The following FARP1 variants were observed in gnomAD, a reference collection of about 807,000 sequenced individuals.
FARP1 encodes the protein FERM, ARHGEF and pleckstrin domain-containing protein 1.
A neutral mutation model predicts 128.8 loss-of-function variants in FARP1; 52 were observed. The ratio of observed to expected loss-of-function variants is 0.40; its 90% CI spans 0.32 to 0.51. The LOEUF (loss-of-function observed/expected upper bound fraction) is 0.51. Ranked by LOEUF, FARP1 falls within the 20% of genes least tolerant of loss-of-function variation. FARP1 has a pLI of 0.45. For missense variants in FARP1, 1,333 were observed against 1,367.9 expected (o/e 0.97, Z 0.40); for synonymous variants, 580 against 551.8 (o/e 1.05, Z -0.72).
chr13:98,194,944 A>C (rs10454523), intron 1 of FARP1, among the ~76,000 whole-genome samples: 96,755 of 152,130 alleles, frequency 0.64, 32,967 homozygotes, highest in Non-Finnish European at 0.76. Flanking sequence ...ATGTGCTTGG[A>C]CTTCCCAGCC....
chr13:98,314,906 G>C (rs1165478687), intron 2 of FARP1, among the ~76,000 whole-genome samples: 8 of 152,160 alleles, frequency 5.3e-5, no homozygotes, highest in Non-Finnish European at 1.2e-4. Context: ...GTTTGCTTGG[G>C]ACTCGGATTG....
At position 98,158,356 on chromosome 13, in the gene FARP1, C is replaced by T. The variant is rs1451036950; in HGVS notation, c.-24+14864C>T. ...TACAGAACATGCATTGCAAATCTGT[C>T]CCTACTCTACTATTGAAACCACCTA... On this transcript the variant is annotated intron_variant, in intron 1 of 26. Coordinates refer to ENST00000319562, the MANE Select transcript of FARP1 (RefSeq NM_005766.4). Among the ~76,000 whole-genome samples the T allele has an allele frequency of 2.0e-5, 3 of 152,188 alleles. 1 individual carries two copies. The East Asian group carries it at 5.8e-4, about 29-fold the overall frequency.
intron 1 of FARP1, among the ~76,000 whole-genome samples, chr13:98,166,311 A>G (rs1177876509): frequency 1.3e-5 from 2 of 152,200 alleles, no homozygotes; most frequent in Non-Finnish European, 2.9e-5. Flanking sequence ...TCAGTGGTCA[A>G]AGGCTGTATT....
chr13:98,259,875 C>A (rs1200369083), intron 2 of FARP1, among the ~76,000 whole-genome samples: 2 of 40,818 alleles, frequency 4.9e-5, no homozygotes, highest in Admixed American at 3.0e-4. Context: ...TTTAAAGATA[C>A]CTGAAAAGTG....
intron 2 of FARP1, among the ~76,000 whole-genome samples, chr13:98,281,001 G>A (rs1175049062): frequency 2.0e-5 from 3 of 152,174 alleles, no homozygotes; most frequent in South Asian, 4.2e-4. Flanking sequence ...AACTTTTTTG[G>A]ACAATTATGT....
chr13:98,393,590 A>G, intron 11 of FARP1, 53 bp from the exon 12 acceptor site: 1 of 1,453,708 alleles, frequency 6.9e-7, no homozygotes, highest in Non-Finnish European at 9.6e-7. Flanking sequence ...AAACCAAGGA[A>G]AAAGAAACAA....
At chr13:98,146,115 A>T (rs1308367775) in intron 1 of FARP1, among the ~76,000 whole-genome samples, 1 of 152,214 alleles carries the variant, frequency 6.6e-6, no homozygotes. Context: ...ATTAGAGAAT[A>T]CTAGAGAAAG....
At chr13:98,231,014 G>A (rs945910432) in intron 2 of FARP1, among the ~76,000 whole-genome samples, 3 of 152,108 alleles carry the variant, frequency 2.0e-5, no homozygotes, top group Non-Finnish European at 2.9e-5. Flanking sequence ...ATCAGATCTC[G>A]TGAGACTTAT....
intron 4 of FARP1, among the ~76,000 whole-genome samples, chr13:98,366,183 C>T (rs1889075684): frequency 6.6e-6 from 1 of 152,044 alleles, no homozygotes; most frequent in African/African-American, 2.4e-5. Flanking sequence ...TTTAGTTGAG[C>T]ATGAAGCTTA....
chr13:98,352,392 GC>G (rs1594435465), intron 3 of FARP1, among the ~76,000 whole-genome samples: 1 of 152,184 alleles, frequency 6.6e-6, no homozygotes, highest in South Asian at 2.1e-4. Context: ...ACCAGTAACT[GC>G]CCCTTGAGAC....
At chr13:98,414,477 G>T (rs949747449) in intron 16 of FARP1, among the ~76,000 whole-genome samples, 3 of 152,190 alleles carry the variant, frequency 2.0e-5, no homozygotes, top group Non-Finnish European at 4.4e-5. Context: ...AAGGCTGAGT[G>T]TGAATGAGTT....
At chr13:98,347,266 G>A (rs1013284929) in intron 3 of FARP1, among the ~76,000 whole-genome samples, 2 of 151,812 alleles carry the variant, frequency 1.3e-5, no homozygotes, top group African/African-American at 4.9e-5. Context: ...TTTTTTAATT[G>A]TGGTCAAAAA....
chr13:98,303,586 G>T (rs921475468), intron 2 of FARP1, among the ~76,000 whole-genome samples: 1 of 152,114 alleles, frequency 6.6e-6, no homozygotes, highest in African/African-American at 2.4e-5. Context: ...CTGAACCTAC[G>T]CCCTTAGCTT....
Position 98,440,803 on chromosome 13 carries a change from C to T in FARP1, c.2763C>T (p.Ser921=), listed in dbSNP as rs141888506. Residue 921 remains serine (S), a synonymous_variant, in exon 24 of 27, where the codon AGC becomes AGT. Coordinates refer to ENST00000319562, the MANE Select transcript of FARP1 (RefSeq NM_005766.4). ...MVHVCWHRNT[S]VSMVDFSIAV... is the part of the protein sequence containing the mutation. ...ACGTGTGCTGGCACCGCAACACCAG[C>T]GTCTCCATGGTGGACTTCAGCATCG... 56 of 1,611,870 alleles carry T rather than the reference C, an allele frequency of 3.5e-5. No homozygotes were observed. In the Admixed American group the frequency reaches 5.3e-4, roughly 15 times the overall value.
At chr13:98,382,850 T>C (rs1889938321) in intron 6 of FARP1, among the ~76,000 whole-genome samples, 1 of 152,218 alleles carries the variant, frequency 6.6e-6, no homozygotes, top group Non-Finnish European at 1.5e-5. Context: ...TCCCCAGGCG[T>C]TGTGCTGAAG....
intron 19 of FARP1, among the ~76,000 whole-genome samples, chr13:98,436,992 C>T (rs755538592): frequency 2.5e-4 from 38 of 152,206 alleles, no homozygotes; most frequent in Non-Finnish European, 4.6e-4. Flanking sequence ...TTCAAAGTCT[C>T]GCTCTACCAG....
intron 3 of FARP1, among the ~76,000 whole-genome samples, chr13:98,345,057 G>A (rs1344649194): frequency 2.0e-5 from 3 of 152,208 alleles, no homozygotes; most frequent in African/African-American, 7.2e-5. Context: ...GGCACACACA[G>A]CTTCTGAAGA....
intron 1 of FARP1, among the ~76,000 whole-genome samples, chr13:98,211,604 C>G (rs1457388563): frequency 2.6e-5 from 4 of 152,158 alleles, no homozygotes; most frequent in Admixed American, 2.6e-4. Flanking sequence ...GTGTTTCTGT[C>G]CCGTAACTCT....
rs776956246 is a variant in FARP1, at chr13:98,177,130, C to T, written c.-24+33638C>T. ...TCCGTGCTCGGGGTCGCAGGCCGGG[C>T]GCTTTCTGAGGCCTGCAGCCCCTTT... On this transcript the variant is annotated intron_variant, in intron 1 of 26. Transcript: ENST00000319562. The T allele has an allele frequency of 3.1e-6, 5 of 1,604,276 alleles. No homozygotes were observed. The highest frequency in any genetic ancestry group is 1.3e-5 in the African/African-American group (1 of 74,868).
Sources: allele counts gnomAD v4.1 joint callset (sites outside exome capture counted in the v4.1 genomes callset), GRCh38; gene constraint gnomAD v4.1.1; transcripts MANE v1.5; gene names NCBI Gene and HGNC (gene_info 2026-07-23, HGNC 2026-07-21).